PGLYRP4: variants seen among roughly 807,000 people sequenced by gnomAD.
PGLYRP4 encodes the protein PGRP-I-beta.
In PGLYRP4, 39 loss-of-function variants were observed where a neutral mutation model predicts 41.2. The observed-to-expected ratio is 0.95, with a 90% CI of 0.73 to 1.24. PGLYRP4 has a LOEUF of 1.24. Among genes scored for constraint, PGLYRP4 ranks in the 50% most tolerant of loss-of-function variants. The pLI, the probability that PGLYRP4 is intolerant of heterozygous loss-of-function variation, is 0.00. For missense variants in PGLYRP4, 467 were observed against 460.7 expected (o/e 1.01, Z -0.13); for synonymous variants, 202 against 186.8 (o/e 1.08, Z -0.66).
intron 1 of PGLYRP4, 132 bp from the exon 2 acceptor site, chr1:153,348,110 T>A: frequency 4.9e-6 from 3 of 606,192 alleles, no homozygotes; most frequent in Non-Finnish European, 9.0e-6. Context: ...CCTGCTTCAG[T>A]CTTCTCAGGG....
chr1:153,348,028 G>A (rs1661090056), intron 1 of PGLYRP4, 50 bp from the exon 2 acceptor site: 1 of 1,051,534 alleles, frequency 9.5e-7, no homozygotes, highest in African/African-American at 1.6e-5. Context: ...AATCTGCAGA[G>A]CATCCCAAAC....
intron 3 of PGLYRP4, among the ~76,000 whole-genome samples, chr1:153,345,698 C>A (rs1055886518): frequency 6.6e-6 from 1 of 152,228 alleles, no homozygotes. Context: ...CCTGAGCAGC[C>A]TGGCTTGGTG....
At chr1:153,337,077 T>G in intron 8 of PGLYRP4, 104 bp downstream of exon 8, 1 of 888,182 alleles carries the variant, frequency 1.1e-6, no homozygotes, top group Non-Finnish European at 1.9e-6. Flanking sequence ...ATCAAGCATA[T>G]GCAGGCACTA....
intron 2 of PGLYRP4, among the ~76,000 whole-genome samples, chr1:153,347,659 A>ACCAC (rs1661074600): frequency 6.6e-6 from 1 of 151,776 alleles, no homozygotes; most frequent in African/African-American, 2.4e-5. Flanking sequence ...AGCATAAGCC[A>ACCAC]CCACCCCTGG....
chr1:153,336,045 C>CGT (rs57345412), intron 8 of PGLYRP4, among the ~76,000 whole-genome samples: 337 of 150,476 alleles, frequency 2.2e-3, no homozygotes, highest in African/African-American at 7.2e-3. Context: ...AGGGTGCGTG[C>CGT]GTGTGTGTGT....
At chr1:153,333,426 T>TA (rs1419920709) in intron 8 of PGLYRP4, among the ~76,000 whole-genome samples, 3 of 151,828 alleles carry the variant, frequency 2.0e-5, no homozygotes, top group Admixed American at 6.6e-5. Context: ...AATCAGTAAT[T>TA]AAAAAAAGAT....
chr1:153,345,375 G>A lies in PGLYRP4; in HGVS notation c.147C>T (p.Pro49=), dbSNP rs530510643. 3 of 1,614,078 alleles carry A rather than the reference G, an allele frequency of 1.9e-6. No individual in the cohort carries two copies. Among genetic ancestry groups the A allele is most frequent in the South Asian group, 1.1e-5 (1 of 91,076 alleles). Residue 49 remains proline, a synonymous_variant, in exon 4 of 9, where the codon CCC becomes CCT. Transcript: ENST00000359650. The part of the protein sequence containing the change: ...NISQLTEKGL[P]TDVSTTVSRK... ...GAGAGACCGTGGTGGAGACATCTGT[G>A]GGAAGGCCTTGGGGACGTCACTCAG...
intron 7 of PGLYRP4, among the ~76,000 whole-genome samples, chr1:153,339,485 G>C (rs1019032153): frequency 1.3e-5 from 2 of 152,158 alleles, no homozygotes; most frequent in Non-Finnish European, 2.9e-5. Context: ...TAGAGTTAAA[G>C]GTTCCTTCTA....
At chr1:153,334,451 A>AATATATATATTTAT (rs1571125896) in intron 8 of PGLYRP4, among the ~76,000 whole-genome samples, 1 of 85,254 alleles carries the variant, frequency 1.2e-5, no homozygotes, top group Admixed American at 1.1e-4. Flanking sequence ...TGTGTGTATA[A>AATATATATATTTAT]ATATATATAT....
intron 8 of PGLYRP4, among the ~76,000 whole-genome samples, chr1:153,331,318 A>G (rs1163625700): frequency 6.6e-6 from 1 of 152,216 alleles, no homozygotes; most frequent in Non-Finnish European, 1.5e-5. Flanking sequence ...GAAGCCAAGG[A>G]TACTGCTAAA....
chr1:153,345,975 C>T (rs12070717), intron 3 of PGLYRP4, 127 bp downstream of exon 3: 46,446 of 748,284 alleles, frequency 0.062, 2,257 homozygotes, highest in African/African-American at 0.2. Context: ...TGGTACTGCT[C>T]TCTGCACTTC....
rs150219758 is a variant in PGLYRP4 at position 153,340,534 on chromosome 1, G to A, written c.671C>T (p.Thr224Ile). 3.7e-4 allele frequency: 591 copies of A among 1,614,130 alleles called. 6 individuals are homozygous for A. The East Asian group carries it at 0.013, about 36-fold the overall frequency. The stretch of plus-strand genomic sequence containing the variant: ...TGGGAGAGTCATCCTGGGACAGTGG[G>A]TCTCCCTGGCTCCCCACACAGACCG... ...VPRSVWGARETHCPRMTLPAK... is the reference protein window; with the variant it reads ...VPRSVWGAREIHCPRMTLPAK... Residue 224 changes from threonine (T) to isoleucine (I), a missense_variant, in exon 7 of 9, where the codon ACC becomes ATC. Physicochemically the swap from Thr to Ile is moderately conservative, Grantham distance 89 (BLOSUM62 -1). Transcript: ENST00000359650.
Position 153,330,820 on chromosome 1 carries a change from G to A in PGLYRP4, c.1069C>T (p.Pro357Ser). Residue 357 changes from proline to serine, a missense_variant, in exon 9 of 9, where the codon CCT becomes TCT. By Grantham distance (74) the Pro-to-Ser change is moderately conservative. Coordinates refer to ENST00000359650, the MANE Select transcript of PGLYRP4 (RefSeq NM_020393.4). ...GHSDVARTLS[P>S]GQALYNIIST... ...ATGATGTTGTACAAAGCCTGCCCAG[G>A]AGACAAGGTTCGGGCCACATCACTG... The A allele has an allele frequency of 6.2e-7, 1 of 1,614,046 alleles. No homozygotes were observed. The highest frequency in any genetic ancestry group is 8.5e-7 in the Non-Finnish European group (1 of 1,179,958).
intron 3 of PGLYRP4, 48 bp downstream of exon 3, chr1:153,346,054 A>G: frequency 7.6e-7 from 1 of 1,323,490 alleles, no homozygotes; most frequent in Non-Finnish European, 1.1e-6. Context: ...ATCACATGAA[A>G]AACCCCAGCT....
chr1:153,340,700 C>T, intron 6 of PGLYRP4, 121 bp from the exon 7 acceptor site: 4 of 936,062 alleles, frequency 4.3e-6, no homozygotes, highest in African/African-American at 1.6e-5. Flanking sequence ...GGGTCTCCCA[C>T]CCTGCCCCCA....
Position 153,345,357 on chromosome 1 carries a change from C to A in PGLYRP4, c.165G>T (p.Thr55=). 1 of 1,614,146 alleles carries A rather than the reference C, an allele frequency of 6.2e-7. No individual in the cohort carries two copies. The highest frequency in any genetic ancestry group is 8.5e-7 in the Non-Finnish European group (1 of 1,180,006). The part of the protein sequence containing the change: ...EKGLPTDVST[T]VSRKAWGAEA... Reference sequence around the variant, plus strand: ...CTGCCCCCCATGCCTTGCGAGAGACCGTGGTGGAGACATCTGTGGGAAGGC... The same window carrying A: ...CTGCCCCCCATGCCTTGCGAGAGACAGTGGTGGAGACATCTGTGGGAAGGC... The change falls in exon 4 of 9, where the codon ACG becomes ACT. Residue 55 remains threonine, a synonymous_variant. Coordinates refer to ENST00000359650, the MANE Select transcript of PGLYRP4 (RefSeq NM_020393.4).
At chr1:153,347,819 T>C (rs985872350) in intron 2 of PGLYRP4, 65 bp downstream of exon 2, 1 of 1,224,480 alleles carries the variant, frequency 8.2e-7, no homozygotes, top group African/African-American at 1.5e-5. Context: ...ATTTTTTAAT[T>C]CCTATTATGA....
chr1:153,341,558 C>A, intron 6 of PGLYRP4, 69 bp downstream of exon 6: 1 of 1,425,878 alleles, frequency 7.0e-7, no homozygotes, highest in South Asian at 1.3e-5. Flanking sequence ...AGGTCACTCC[C>A]AATGGTATTT....
At chr1:153,340,665 G>T (rs1660762066) in intron 6 of PGLYRP4, 86 bp from the exon 7 acceptor site, 2 of 1,364,780 alleles carry the variant, frequency 1.5e-6, no homozygotes, top group Non-Finnish European at 1.0e-6. Context: ...TAATGCTCAG[G>T]ACCCTCAACT....
Sources: allele counts gnomAD v4.1 joint callset (sites outside exome capture counted in the v4.1 genomes callset), GRCh38; gene constraint gnomAD v4.1.1; transcripts MANE v1.5; gene names NCBI Gene and HGNC (gene_info 2026-07-23, HGNC 2026-07-21).